Variants in STRN observed in about 807,000 individuals in gnomAD.
STRN encodes the protein protein phosphatase 2 regulatory subunit B'''alpha.
STRN carries 53 observed loss-of-function variants against 96.3 expected under a neutral mutation model. That is an observed-to-expected ratio of 0.55 (90% CI 0.44 to 0.69). The LOEUF (loss-of-function observed/expected upper bound fraction) is 0.69. Ranked by LOEUF, STRN falls within the 30% of genes least tolerant of loss-of-function variation. The probability of loss-of-function intolerance (pLI) is 0.00; values close to 1 mark genes in which losing one functional copy is unlikely to be tolerated. For synonymous variants in STRN, 428 were observed against 355.9 expected, an observed-to-expected ratio of 1.20 and a Z score of -2.28; for missense variants, 987 against 963.9, an observed-to-expected ratio of 1.02 and a Z score of -0.32.
chr2:36,941,882 G>A (rs1670854373), intron 1 of STRN, among the ~76,000 whole-genome samples: 1 of 151,964 alleles, frequency 6.6e-6, no homozygotes, highest in African/African-American at 2.4e-5. Flanking sequence ...ATTTTTATTG[G>A]TTGTATTACA....
intron 1 of STRN, among the ~76,000 whole-genome samples, chr2:36,926,669 T>C: frequency 6.6e-6 from 1 of 152,204 alleles, no homozygotes. Context: ...GGTAGTTTGT[T>C]AGGCTTTTGT....
intron 14 of STRN, among the ~76,000 whole-genome samples, chr2:36,855,654 C>T (rs1415299246): frequency 1.3e-5 from 2 of 152,284 alleles, no homozygotes; most frequent in Admixed American, 1.3e-4. Context: ...ACAAATTTTG[C>T]TGCTTCCGCC....
intron 1 of STRN, among the ~76,000 whole-genome samples, chr2:36,942,535 A>T (rs1423450060): frequency 2.6e-5 from 4 of 152,156 alleles, no homozygotes; most frequent in Non-Finnish European, 5.9e-5. Context: ...AATGCTTTTT[A>T]AAAAGATTTC....
At chr2:36,857,336 T>G (rs1296667699) in intron 14 of STRN, among the ~76,000 whole-genome samples, 1 of 152,132 alleles carries the variant, frequency 6.6e-6, no homozygotes, top group Non-Finnish European at 1.5e-5. Flanking sequence ...ATCTTAATTT[T>G]TTAAAATCTA....
At chr2:36,901,558 A>C (rs1397308226) in intron 5 of STRN, among the ~76,000 whole-genome samples, 1 of 151,204 alleles carries the variant, frequency 6.6e-6, no homozygotes, top group Admixed American at 6.6e-5. Flanking sequence ...CCTCAAAAAA[A>C]AAAAAAAAAA....
chr2:36,948,044 G>C (rs1411966100), intron 1 of STRN, among the ~76,000 whole-genome samples: 1 of 133,858 alleles, frequency 7.5e-6, no homozygotes, highest in Non-Finnish European at 1.5e-5. Flanking sequence ...TCATCCTATA[G>C]AATGATCATC....
chr2:36,897,012 A>T (rs2148192557), intron 6 of STRN, among the ~76,000 whole-genome samples: 1 of 152,144 alleles, frequency 6.6e-6, no homozygotes, highest in Middle Eastern at 3.4e-3. Flanking sequence ...TACTAAAAAT[A>T]CAGCATCAGC....
intron 1 of STRN, among the ~76,000 whole-genome samples, chr2:36,950,333 A>G (rs1036911787): frequency 1.3e-5 from 2 of 148,960 alleles, no homozygotes; most frequent in Admixed American, 1.4e-4. Context: ...CTCCTGCCTC[A>G]GCCTCCTGAG....
intron 13 of STRN, among the ~76,000 whole-genome samples, chr2:36,860,750 G>T (rs929272343): frequency 6.6e-6 from 1 of 152,082 alleles, no homozygotes; most frequent in Non-Finnish European, 1.5e-5. Context: ...TTGACCAAGG[G>T]GATGGCACCA....
rs560046087 is a variant in STRN at position 36,842,439 on chromosome 2, C to T, written c.*7017G>A. 13 of 152,302 alleles carry T rather than the reference C, an allele frequency of 8.5e-5. No individual in the cohort carries two copies. The highest frequency in any genetic ancestry group is 5.2e-4 in the Admixed American group (8 of 15,282). The allele number at this position is 152,302 out of a possible 1,614,324, so 9.4% of individuals were successfully genotyped here. On this transcript the variant is annotated 3_prime_UTR_variant, in exon 18 of 18. Coordinates refer to ENST00000263918, the MANE Select transcript of STRN (RefSeq NM_003162.4). ...TTACTGTGGGCTCTCCTTTACATCA[C>T]TGGGTTAATTACCTAAAGAGGGACA... is the stretch of plus-strand genomic sequence containing the variant.
intron 3 of STRN, among the ~76,000 whole-genome samples, chr2:36,914,449 A>AT (rs1670038968): frequency 6.6e-6 from 1 of 152,214 alleles, no homozygotes; most frequent in African/African-American, 2.4e-5. Flanking sequence ...AATAGCCTAG[A>AT]TTTTTTAAAA....
chr2:36,920,764 A>T (rs1670231052), intron 2 of STRN, among the ~76,000 whole-genome samples: 1 of 151,128 alleles, frequency 6.6e-6, no homozygotes, highest in Non-Finnish European at 1.5e-5. Context: ...TGTCCTTCAG[A>T]GTCAAATTTC....
intron 10 of STRN, among the ~76,000 whole-genome samples, 191 bp from the exon 11 acceptor site, chr2:36,869,920 T>C (rs752086457): frequency 7.9e-5 from 12 of 152,202 alleles, no homozygotes; most frequent in African/African-American, 2.7e-4. Flanking sequence ...CTAGTTTTCT[T>C]TGAAGAAATA....
chr2:36,908,377 C>T (rs964492859), intron 3 of STRN, among the ~76,000 whole-genome samples: 1 of 152,128 alleles, frequency 6.6e-6, no homozygotes, highest in South Asian at 2.1e-4. Context: ...ATTACTGATA[C>T]AAACATACAT....
At chr2:36,874,927 T>C (rs1355816428) in intron 10 of STRN, among the ~76,000 whole-genome samples, 1 of 152,038 alleles carries the variant, frequency 6.6e-6, no homozygotes, top group Admixed American at 6.6e-5. Flanking sequence ...AGAAAATAAT[T>C]TTAAAAAGCA....
At position 36,861,145 on chromosome 2, in the gene STRN, G is replaced by A; in HGVS notation, c.1656C>T (p.Pro552=). The A allele has an allele frequency of 1.2e-6, 2 of 1,613,698 alleles. No individual in the cohort carries two copies. Among genetic ancestry groups the A allele is most frequent in the Non-Finnish European group, 1.7e-6 (2 of 1,179,892 alleles). Residue 552 remains proline (P), a synonymous_variant, in exon 13 of 18, where the codon CCC becomes CCT. Coordinates refer to ENST00000263918, the MANE Select transcript of STRN (RefSeq NM_003162.4). ...GWNTTNPNID[P]YDSYDPSVLR... ...GAAATCACCTACCATAAGAATCATA[G>A]GGGTCGATGTTGGGATTAGTGGTAT...
At chr2:36,888,637 ATATG>A (rs780603146) in intron 7 of STRN, among the ~76,000 whole-genome samples, 21 of 70,242 alleles carry the variant, frequency 3.0e-4, no homozygotes, top group African/African-American at 3.8e-4. Context: ...TTTTTAATTT[ATATG>A]TGTGTGTGTG....
intron 12 of STRN, among the ~76,000 whole-genome samples, chr2:36,865,837 G>T (rs1668607979): frequency 6.6e-6 from 1 of 152,060 alleles, no homozygotes; most frequent in Non-Finnish European, 1.5e-5. Flanking sequence ...TGGAATTACA[G>T]GTGTGAGCCA....
In STRN at chr2:36,900,443, A is replaced by G. The variant is rs148009967; in HGVS notation, c.660-785T>C. 3.6e-4 allele frequency among the ~76,000 whole-genome samples: 55 copies of G among 152,316 alleles called. 1 individual carries two copies. Among genetic ancestry groups the G allele is most frequent in the Admixed American group, 1.0e-3 (16 of 15,296 alleles). On this transcript the variant is annotated intron_variant, in intron 5 of 17. Coordinates refer to ENST00000263918, the MANE Select transcript of STRN (RefSeq NM_003162.4). ...ATTTCTGCTTAACAGCTAAAGTAAA[A>G]GAGAAAATGTGTACATAAAGTTACT...
Sources: allele counts gnomAD v4.1 joint callset (sites outside exome capture counted in the v4.1 genomes callset), GRCh38; gene constraint gnomAD v4.1.1; transcripts MANE v1.5; gene names NCBI Gene and HGNC (gene_info 2026-07-23, HGNC 2026-07-21).